Variants in PRTFDC1 observed in about 807,000 individuals in gnomAD.
PRTFDC1 encodes the protein phosphoribosyl transferase domain containing 1, also known as phosphoribosyltransferase domain-containing protein 1.
In PRTFDC1, 38 loss-of-function variants were observed where a neutral mutation model predicts 34.6. The ratio of observed to expected loss-of-function variants is 1.10; its 90% CI spans 0.85 to 1.44. The LOEUF is 1.44. Among genes scored for constraint, PRTFDC1 ranks in the 40% most tolerant of loss-of-function variants. The pLI is 0.00. For missense variants in PRTFDC1, 270 were observed against 283.0 expected (o/e 0.95, Z 0.33); for synonymous variants, 93 against 98.1 (o/e 0.95, Z 0.31).
At chr10:24,906,288 C>T (rs1033235303) in intron 3 of PRTFDC1, among the ~76,000 whole-genome samples, 2 of 152,216 alleles carry the variant, frequency 1.3e-5, no homozygotes, top group African/African-American at 4.8e-5. Context: ...AAGCCTCTGC[C>T]TCTGTCTCCA....
chr10:24,880,894 TTCTTTCTTTCCA>T (rs1024191490), intron 3 of PRTFDC1, among the ~76,000 whole-genome samples: 3 of 149,608 alleles, frequency 2.0e-5, no homozygotes, highest in African/African-American at 7.5e-5. Context: ...TTTCCTTCCT[TTCTTTCTTTCCA>T]TCTTTCTTTC....
At chr10:24,935,562 G>A (rs901923044) in intron 3 of PRTFDC1, among the ~76,000 whole-genome samples, 1 of 152,166 alleles carries the variant, frequency 6.6e-6, no homozygotes, top group Non-Finnish European at 1.5e-5. Context: ...CCTGAAGACC[G>A]CTGTCCCCTG....
At chr10:24,910,936 A>C (rs1465212332) in intron 3 of PRTFDC1, among the ~76,000 whole-genome samples, 1 of 149,498 alleles carries the variant, frequency 6.7e-6, no homozygotes, top group Non-Finnish European at 1.5e-5. Context: ...GGCTCAAGTG[A>C]TCTTCCCACC....
At chr10:24,928,537 G>A (rs1564315888) in intron 3 of PRTFDC1, among the ~76,000 whole-genome samples, 1 of 151,900 alleles carries the variant, frequency 6.6e-6, no homozygotes, top group Non-Finnish European at 1.5e-5. Context: ...TCCACCTCCC[G>A]GGTTCAAGTG....
intron 3 of PRTFDC1, among the ~76,000 whole-genome samples, chr10:24,897,594 C>G (rs1236787535): frequency 6.6e-6 from 1 of 152,190 alleles, no homozygotes; most frequent in Non-Finnish European, 1.5e-5. Flanking sequence ...GCATGACACT[C>G]CACAACTTGA....
intron 3 of PRTFDC1, among the ~76,000 whole-genome samples, chr10:24,874,214 T>C (rs12572362): frequency 0.12 from 18,458 of 152,112 alleles, 1,405 homozygotes; most frequent in South Asian, 0.22. Context: ...ACCAGTGATT[T>C]TCTTCTTATG....
chr10:24,910,041 A>G (rs896894884), intron 3 of PRTFDC1, among the ~76,000 whole-genome samples: 11 of 151,366 alleles, frequency 7.3e-5, no homozygotes, highest in Non-Finnish European at 1.5e-4. Context: ...CATGCCTGTA[A>G]CCCCAGCTTC....
At chr10:24,901,954 A>G (rs1157459179) in intron 3 of PRTFDC1, among the ~76,000 whole-genome samples, 6 of 152,170 alleles carry the variant, frequency 3.9e-5, no homozygotes, top group Non-Finnish European at 7.3e-5. Flanking sequence ...ACAAGGGCCA[A>G]AGCCCCTTGC....
At chr10:24,920,691 A>C (rs539371633) in intron 3 of PRTFDC1, among the ~76,000 whole-genome samples, 12 of 152,306 alleles carry the variant, frequency 7.9e-5, no homozygotes, top group Admixed American at 2.0e-4. Context: ...ACTTAAAATA[A>C]AATTCAATTT....
At chr10:24,878,995 A>G (rs1467802298) in intron 3 of PRTFDC1, among the ~76,000 whole-genome samples, 2 of 152,192 alleles carry the variant, frequency 1.3e-5, no homozygotes, top group Non-Finnish European at 2.9e-5. Context: ...CTGATACTCT[A>G]TCAAATGGAC....
intron 3 of PRTFDC1, among the ~76,000 whole-genome samples, chr10:24,915,163 C>G (rs1848677555): frequency 1.3e-5 from 2 of 152,142 alleles, no homozygotes; most frequent in Non-Finnish European, 2.9e-5. Flanking sequence ...CACTAAGATT[C>G]AGAAAGGTTC....
rs574770213 is a variant in PRTFDC1 at position 24,879,407 on chromosome 10, G to A, written c.340-7344C>T. Among the ~76,000 whole-genome samples, 549 of 151,680 alleles carry A rather than the reference G, an allele frequency of 3.6e-3. 3 individuals are homozygous for A. The highest frequency in any genetic ancestry group is 6.2e-3 in the Non-Finnish European group (421 of 67,920). ...TACCCAGGCTGCAGTGCAGTGGTGC[G>A]ACCTTGGCTCACTGCAACCTCCGCC... On this transcript the variant is annotated intron_variant, in intron 3 of 8. Coordinates refer to ENST00000320152, the MANE Select transcript of PRTFDC1 (RefSeq NM_020200.7).
intron 3 of PRTFDC1, among the ~76,000 whole-genome samples, chr10:24,887,415 G>C (rs1848187743): frequency 6.6e-6 from 1 of 152,116 alleles, no homozygotes; most frequent in Admixed American, 6.5e-5. Context: ...CCTCCATGTT[G>C]TTCTCATCAT....
intron 4 of PRTFDC1, among the ~76,000 whole-genome samples, chr10:24,868,608 T>C (rs1847825487): frequency 6.6e-6 from 1 of 152,102 alleles, no homozygotes; most frequent in South Asian, 2.1e-4. Context: ...CATTTTAAAT[T>C]ATTAAATAAA....
At chr10:24,933,875 T>A (rs569175081) in intron 3 of PRTFDC1, among the ~76,000 whole-genome samples, 120 of 152,052 alleles carry the variant, frequency 7.9e-4, no homozygotes, top group African/African-American at 2.8e-3. Context: ...TGTATTTTAG[T>A]AGAGATGAGG....
At chr10:24,861,654 T>C (rs1428713261) in intron 4 of PRTFDC1, among the ~76,000 whole-genome samples, 2 of 152,026 alleles carry the variant, frequency 1.3e-5, no homozygotes, top group Non-Finnish European at 2.9e-5. Context: ...TTTTAGCTGT[T>C]TTTCTGCTTG....
rs184612152 is a variant in PRTFDC1, at chr10:24,916,743, C to T, written c.339+20441G>A. 3.9e-5 allele frequency among the ~76,000 whole-genome samples: 6 copies of T among 152,242 alleles called. No individual in the cohort carries two copies. In the East Asian group the frequency reaches 1.2e-3, roughly 29 times the overall value. On this transcript the variant is annotated intron_variant, in intron 3 of 8. Transcript: ENST00000320152. ...CTCCACAGCATTTTCCACTTTTTGGCATATTTCTTCTTTTCTCGTTTTGTT... is the reference window on the plus strand; with the variant it reads ...CTCCACAGCATTTTCCACTTTTTGGTATATTTCTTCTTTTCTCGTTTTGTT...
intron 3 of PRTFDC1, among the ~76,000 whole-genome samples, chr10:24,881,761 C>T (rs1848082676): frequency 6.6e-6 from 1 of 152,156 alleles, no homozygotes; most frequent in African/African-American, 2.4e-5. Flanking sequence ...CAACCCCTCT[C>T]ACCATGGCCA....
intron 3 of PRTFDC1, among the ~76,000 whole-genome samples, chr10:24,919,513 C>G (rs565293470): frequency 6.6e-6 from 1 of 152,076 alleles, no homozygotes; most frequent in Admixed American, 6.6e-5. Context: ...AATGGAAAAC[C>G]CAAAACTATA....
Sources: gnomAD v4.1 joint callset for allele counts (sites outside exome capture counted in the v4.1 genomes callset) on GRCh38, gnomAD v4.1.1 for gene constraint, MANE v1.5 for transcripts, NCBI Gene and HGNC (gene_info 2026-07-23, HGNC 2026-07-21) for gene names.